Variants in NOTCH2 observed in about 807,000 individuals in gnomAD.
NOTCH2 encodes neurogenic locus notch homolog protein 2.
Under a neutral mutation model 235.8 loss-of-function variants are expected in NOTCH2, and 29 were observed. The ratio of observed to expected loss-of-function variants is 0.12; its 90% confidence interval spans 0.09 to 0.17. The LOEUF is 0.17. Among genes scored for constraint, NOTCH2 ranks in the 10% least tolerant of loss-of-function variants. The pLI, the probability that NOTCH2 is intolerant of heterozygous loss-of-function variation, is 1.00. For synonymous variants in NOTCH2, 1,086 were observed against 1,141.5 expected, an observed-to-expected ratio of 0.95 and a Z score of 0.98; for missense variants, 2,285 against 3,150.2, an observed-to-expected ratio of 0.73 and a Z score of 6.57.
intron 17 of NOTCH2, 149 bp downstream of exon 17, chr1:119,948,265 G>C (rs1173282957): frequency 2.5e-6 from 2 of 788,412 alleles, no homozygotes; most frequent in African/African-American, 3.4e-5. Context: ...TCAAAAGAAA[G>C]AGTTAAAACA....
intron 18 of NOTCH2, 55 bp from the exon 19 acceptor site, chr1:119,940,811 C>G: frequency 2.8e-6 from 4 of 1,452,526 alleles, no homozygotes; most frequent in Non-Finnish European, 3.9e-6. Context: ...TGACTTACTA[C>G]TACAAAGTAA....
At chr1:119,977,830 C>T (rs587632580) in intron 5 of NOTCH2, among the ~76,000 whole-genome samples, 1 of 152,282 alleles carries the variant, frequency 6.6e-6, no homozygotes, top group Non-Finnish European at 1.5e-5. Context: ...AAATTTAATG[C>T]TGTAATTCAT....
At chr1:119,934,632 C>A (rs1280951626) in intron 22 of NOTCH2, among the ~76,000 whole-genome samples, 2 of 152,156 alleles carry the variant, frequency 1.3e-5, no homozygotes, top group African/African-American at 4.8e-5. Context: ...AACTCTGATA[C>A]CTGGGGTGGC....
chr1:119,981,252 T>C (rs913628133), intron 5 of NOTCH2, among the ~76,000 whole-genome samples: 2 of 152,166 alleles, frequency 1.3e-5, no homozygotes, highest in South Asian at 2.1e-4. Flanking sequence ...CCCCACCAAG[T>C]ACTTAGATGC....
At position 119,925,741 on chromosome 1, in the gene NOTCH2, G is replaced by A. The variant is rs2101163163; in HGVS notation, c.4075C>T (p.His1359Tyr). ...VKCRKGEQCV[H>Y]TASGPRCFCP... is the part of the protein sequence containing the mutation. ...AAGCAGCGGGGTCCAGAGGCGGTGT[G>A]CACACACTGCTCCCCCTTCCTACAT... is the stretch of plus-strand genomic sequence containing the variant. Residue 1359 changes from histidine to tyrosine, a missense_variant, in exon 25 of 34, where the codon CAC becomes TAC. By Grantham distance (83) the His-to-Tyr change is moderately conservative. Coordinates refer to ENST00000256646, the MANE Select transcript of NOTCH2 (RefSeq NM_024408.4). The A allele has an allele frequency of 6.2e-7, 1 of 1,614,044 alleles. No homozygotes were observed. Among genetic ancestry groups the A allele is most frequent in the Non-Finnish European group, 8.5e-7 (1 of 1,179,992 alleles).
At chr1:120,001,158 A>T (rs1355537323) in intron 3 of NOTCH2, among the ~76,000 whole-genome samples, 5 of 151,892 alleles carry the variant, frequency 3.3e-5, no homozygotes, top group Non-Finnish European at 7.4e-5. Context: ...GCCATATGGA[A>T]CTGTAAGTCC....
At chr1:119,972,976 G>A (rs587600577) in intron 5 of NOTCH2, among the ~76,000 whole-genome samples, 1 of 152,286 alleles carries the variant, frequency 6.6e-6, no homozygotes, top group South Asian at 2.1e-4. Flanking sequence ...ACTTGTGACT[G>A]CAAACTCCTG....
chr1:119,969,449 G>A lies in NOTCH2; in HGVS notation c.1108+62C>T. ...ATATGCTGTTTGGGATGAAAGAGAAGGCAGAGTCCTGAATGCCCCCTGCCC... is the reference window on the plus strand; with the variant it reads ...ATATGCTGTTTGGGATGAAAGAGAAAGCAGAGTCCTGAATGCCCCCTGCCC... On this transcript the variant is annotated intron_variant, in intron 6 of 33. Transcript: ENST00000256646. 4.4e-6 allele frequency: 6 copies of A among 1,351,218 alleles called. No individual in the cohort carries two copies. In the Admixed American group the frequency reaches 7.4e-5, roughly 17 times the overall value. 83.7% of individuals were successfully genotyped at this position (1,351,218 alleles called of 1,614,324 possible).
chr1:120,023,527 AACCAT>A (rs1653716956), intron 2 of NOTCH2, among the ~76,000 whole-genome samples: 1 of 122,472 alleles, frequency 8.2e-6, no homozygotes, highest in Non-Finnish European at 1.6e-5. Context: ...GTGCAGGCTG[AACCAT>A]ACTAGATCAT....
At chr1:119,944,475 C>T (rs1234296814) in intron 17 of NOTCH2, among the ~76,000 whole-genome samples, 2 of 148,226 alleles carry the variant, frequency 1.3e-5, no homozygotes, top group African/African-American at 2.5e-5. Flanking sequence ...GCGGAGCTTG[C>T]ATTGAGCCAA....
At chr1:119,948,743 G>C (rs372841610) in intron 16 of NOTCH2, among the ~76,000 whole-genome samples, 177 bp from the exon 17 acceptor site, 5 of 152,302 alleles carry the variant, frequency 3.3e-5, no homozygotes, top group African/African-American at 1.2e-4. Flanking sequence ...CTGCCAAGGT[G>C]CTTAAACTCC....
intron 19 of NOTCH2, 139 bp from the exon 20 acceptor site, chr1:119,938,149 C>G (rs1649927769): frequency 1.1e-6 from 1 of 911,020 alleles, no homozygotes; most frequent in Admixed American, 2.3e-5. Context: ...TAAAAGAGCC[C>G]TTAAACTAGA....
chr1:119,988,683 T>C (rs1421749097), intron 4 of NOTCH2, among the ~76,000 whole-genome samples: 1 of 152,150 alleles, frequency 6.6e-6, no homozygotes, highest in Non-Finnish European at 1.5e-5. Flanking sequence ...TTTAAAGACA[T>C]AGTTTTAGAT....
At chr1:120,011,612 T>C (rs1653194405) in intron 2 of NOTCH2, among the ~76,000 whole-genome samples, 1 of 152,096 alleles carries the variant, frequency 6.6e-6, no homozygotes, top group South Asian at 2.1e-4. Context: ...TAACTATGTA[T>C]TGTATATTTG....
intron 22 of NOTCH2, among the ~76,000 whole-genome samples, chr1:119,929,615 A>C (rs1340243546): frequency 6.6e-6 from 1 of 152,284 alleles, no homozygotes; most frequent in African/African-American, 2.4e-5. Context: ...ATGCAACCGC[A>C]TAATGACATT....
intron 19 of NOTCH2, among the ~76,000 whole-genome samples, chr1:119,938,453 T>C (rs1649941940): frequency 6.6e-6 from 1 of 152,182 alleles, no homozygotes; most frequent in African/African-American, 2.4e-5. Context: ...TTATCCAATT[T>C]TTGGTGAATC....
intron 24 of NOTCH2, among the ~76,000 whole-genome samples, 171 bp from the exon 25 acceptor site, chr1:119,925,981 CT>C (rs1570664454): frequency 1.3e-5 from 2 of 152,206 alleles, no homozygotes; most frequent in Admixed American, 6.5e-5. Context: ...GCATAGGGAT[CT>C]CTTGTTTTGG....
In NOTCH2 at chr1:119,931,966, G is replaced by GA. The variant is rs1233131595; in HGVS notation, c.3656-2755dup. The stretch of plus-strand genomic sequence containing the variant: ...ACATTACATCAACAACTTAATGTGG[G>GA]AAAAAAGATATATGTGTGTATATAT... On this transcript the variant is annotated intron_variant, in intron 22 of 33. Coordinates refer to ENST00000256646, the MANE Select transcript of NOTCH2 (RefSeq NM_024408.4). Among the ~76,000 whole-genome samples, 4 of 143,350 alleles carry GA rather than the reference G, an allele frequency of 2.8e-5. 1 individual carries two copies. The highest frequency in any genetic ancestry group is 1.0e-4 in the African/African-American group (4 of 38,758). 94.0% of individuals were successfully genotyped at this position (143,350 alleles called of 152,430 possible).
rs781999109 is a variant in NOTCH2 at position 119,963,698 on chromosome 1, G to T, written c.1791C>A (p.Pro597=). The T allele has an allele frequency of 1.2e-6, 2 of 1,614,102 alleles. No homozygotes were observed. Among genetic ancestry groups the T allele is most frequent in the Non-Finnish European group, 1.7e-6 (2 of 1,179,986 alleles). ...CACTGCAGATGGCGCCCATGTACCC[G>T]GGATTGCAGATGCAGGTGTAGGAAT... ...GIDSYTCICN[P]GYMGAICSDQ... The change falls in exon 11 of 34, where the codon CCC becomes CCA. Residue 597 remains proline (P), a synonymous_variant. Transcript: ENST00000256646.
Sources: gnomAD v4.1 joint callset for allele counts (sites outside exome capture counted in the v4.1 genomes callset) on GRCh38, gnomAD v4.1.1 for gene constraint, MANE v1.5 for transcripts, NCBI Gene and HGNC (gene_info 2026-07-23, HGNC 2026-07-21) for gene names.